The following PSD3 variants were observed in gnomAD, a reference collection of about 807,000 sequenced individuals.
PSD3 encodes the protein PH and SEC7 domain-containing protein 3.
Under a neutral mutation model 105.5 loss-of-function variants are expected in PSD3, and 49 were observed. That is an observed-to-expected ratio of 0.46 (90% CI 0.37 to 0.59). The LOEUF (loss-of-function observed/expected upper bound fraction) is 0.59, where lower values mean the gene tolerates loss of function less well. Among genes scored for constraint, PSD3 ranks in the 20% least tolerant of loss-of-function variants. The probability of loss-of-function intolerance (pLI) is 0.00; values close to 1 mark genes in which losing one functional copy is unlikely to be tolerated. For missense variants in PSD3, 1,561 were observed against 1,263.8 expected, an observed-to-expected ratio of 1.24 and a Z score of -3.57; for synonymous variants, 557 against 457.8, an observed-to-expected ratio of 1.22 and a Z score of -2.77.
intron 9 of PSD3, chr8:18,683,921 C>T (rs1037642420): frequency 9.2e-6 from 7 of 762,662 alleles, no homozygotes; most frequent in Non-Finnish European, 1.7e-5. Flanking sequence ...GGACACTATT[C>T]ACGCCAATCA....
chr8:18,813,573 C>T (rs1405243697), intron 4 of PSD3, among the ~76,000 whole-genome samples: 1 of 152,080 alleles, frequency 6.6e-6, no homozygotes, highest in Non-Finnish European at 1.5e-5. Context: ...CAGGGGTCTC[C>T]CTTCATTTGT....
intron 12 of PSD3, among the ~76,000 whole-genome samples, chr8:18,595,450 GAGAC>G (rs1253461092): frequency 2.0e-5 from 3 of 150,162 alleles, no homozygotes; most frequent in Non-Finnish European, 3.0e-5. Context: ...GAGAGAGAGA[GAGAC>G]AGAGAGACAG....
intron 12 of PSD3, among the ~76,000 whole-genome samples, chr8:18,584,861 C>T (rs1426424968): frequency 1.3e-5 from 2 of 152,080 alleles, no homozygotes; most frequent in Non-Finnish European, 2.9e-5. Context: ...GAGCCTATGG[C>T]TTATTTTTTC....
chr8:18,668,234 G>C (rs1312907982), intron 9 of PSD3, among the ~76,000 whole-genome samples: 6 of 152,240 alleles, frequency 3.9e-5, no homozygotes, highest in African/African-American at 1.4e-4. Flanking sequence ...CTGCCAGCAC[G>C]CTGTCACCTC....
At chr8:18,610,494 G>A (rs1260361461) in intron 11 of PSD3, among the ~76,000 whole-genome samples, 1 of 152,274 alleles carries the variant, frequency 6.6e-6, no homozygotes, top group East Asian at 1.9e-4. Flanking sequence ...TTCTGACCAC[G>A]AGGCATCCTT....
At chr8:18,622,546 A>C (rs1806190869) in intron 11 of PSD3, among the ~76,000 whole-genome samples, 1 of 152,192 alleles carries the variant, frequency 6.6e-6, no homozygotes, top group Admixed American at 6.5e-5. Context: ...TTTATGGAGC[A>C]TAACATTATT....
chr8:18,987,283 T>TA (rs1239326482), intron 1 of PSD3, among the ~76,000 whole-genome samples: 9 of 150,558 alleles, frequency 6.0e-5, no homozygotes, highest in Non-Finnish European at 1.3e-4. Context: ...CTTTTTTATT[T>TA]TTTTTTTTAT....
intron 1 of PSD3, among the ~76,000 whole-genome samples, chr8:18,984,446 C>T (rs1825397385): frequency 6.6e-6 from 1 of 151,826 alleles, no homozygotes; most frequent in Non-Finnish European, 1.5e-5. Context: ...AACAATCAAC[C>T]AGAATTATTT....
intron 1 of PSD3, among the ~76,000 whole-genome samples, chr8:19,070,385 A>ACC (rs1338086899): frequency 7.2e-6 from 1 of 138,838 alleles, no homozygotes; most frequent in South Asian, 2.2e-4. Flanking sequence ...AAAAAAAAAA[A>ACC]CCCACAAAAA....
intron 8 of PSD3, among the ~76,000 whole-genome samples, chr8:18,779,565 G>C (rs1031862701): frequency 1.3e-5 from 2 of 151,586 alleles, no homozygotes; most frequent in African/African-American, 2.4e-5. Context: ...CTTTCTTCAT[G>C]TAAGTATTTG....
In PSD3 at chr8:18,803,455, A is replaced by C. The variant is rs76728814; in HGVS notation, c.1910+1067T>G. Among the ~76,000 whole-genome samples, 724 of 150,096 alleles carry C rather than the reference A, an allele frequency of 4.8e-3. 24 individuals carry two copies. The highest frequency in any genetic ancestry group is 0.038 in the Admixed American group (567 of 14,962). Reference sequence around the variant, plus strand: ...CATTCAAAAACCAAACTCCCTACTCAAAACAATTGAAAACAGGGTCTTGAA... The same window carrying C: ...CATTCAAAAACCAAACTCCCTACTCCAAACAATTGAAAACAGGGTCTTGAA... On this transcript the variant is annotated intron_variant, in intron 6 of 15. Coordinates refer to ENST00000327040, the MANE Select transcript of PSD3 (RefSeq NM_015310.4).
chr8:18,943,475 T>C (rs1169268835), intron 1 of PSD3, among the ~76,000 whole-genome samples: 1 of 151,896 alleles, frequency 6.6e-6, no homozygotes, highest in Non-Finnish European at 1.5e-5. Context: ...AATGATCTAG[T>C]GATAACTGAC....
intron 6 of PSD3, 37 bp downstream of exon 6, chr8:18,804,485 G>C: frequency 1.3e-6 from 2 of 1,504,136 alleles, no homozygotes; most frequent in Non-Finnish European, 1.8e-6. Context: ...CTAATCATTT[G>C]AAAGCAATGA....
chr8:18,798,829 T>A (rs1692468548), intron 8 of PSD3, among the ~76,000 whole-genome samples: 1 of 152,078 alleles, frequency 6.6e-6, no homozygotes, highest in Admixed American at 6.6e-5. Flanking sequence ...GATGAGACGG[T>A]AATTAGTTTG....
chr8:18,804,027 G>A (rs1296928606), intron 6 of PSD3, among the ~76,000 whole-genome samples: 2 of 152,088 alleles, frequency 1.3e-5, no homozygotes, highest in Non-Finnish European at 2.9e-5. Flanking sequence ...GCTACCAATT[G>A]TTTACCACCT....
chr8:18,790,500 C>T (rs946688172), intron 8 of PSD3, among the ~76,000 whole-genome samples: 1 of 151,860 alleles, frequency 6.6e-6, no homozygotes, highest in Non-Finnish European at 1.5e-5. Flanking sequence ...GATGGGGTTT[C>T]ACCATGTTAG....
chr8:18,568,190 G>C (rs1024266488), intron 14 of PSD3, among the ~76,000 whole-genome samples: 2 of 152,124 alleles, frequency 1.3e-5, no homozygotes, highest in African/African-American at 4.8e-5. Flanking sequence ...CCAGGCTCTA[G>C]TATTCTTTAT....
chr8:18,803,211 TG>T, intron 6 of PSD3: 1 of 178,514 alleles, frequency 5.6e-6, no homozygotes, highest in Non-Finnish European at 1.1e-5. Flanking sequence ...TGCTTGAACC[TG>T]GGAGGTGGAG....
At chr8:18,786,309 G>GT (rs1809152033) in intron 8 of PSD3, among the ~76,000 whole-genome samples, 1 of 152,220 alleles carries the variant, frequency 6.6e-6, no homozygotes, top group Admixed American at 6.5e-5. Flanking sequence ...AGTCAAAAGT[G>GT]TTTTTTCAGG....
Sources: allele counts gnomAD v4.1 joint callset (sites outside exome capture counted in the v4.1 genomes callset), GRCh38; gene constraint gnomAD v4.1.1; transcripts MANE v1.5; gene names NCBI Gene and HGNC (gene_info 2026-07-23, HGNC 2026-07-21).